The following TAFA5 variants were observed in gnomAD, a reference collection of about 807,000 sequenced individuals.
The protein encoded by TAFA5 is TAFA chemokine like family member 5.
TAFA5 carries 6 observed loss-of-function variants against 15.3 expected under a neutral mutation model. The observed-to-expected ratio is 0.39, with a 90% CI of 0.21 to 0.77. The LOEUF is 0.77. Ranked by LOEUF, TAFA5 falls within the 30% of genes least tolerant of loss-of-function variation. TAFA5 has a pLI of 0.41. For missense variants in TAFA5, 161 were observed against 193.1 expected, an observed-to-expected ratio of 0.83 and a Z score of 0.98; for synonymous variants, 103 against 80.7, an observed-to-expected ratio of 1.28 and a Z score of -1.48.
chr22:48,730,795 G>A (rs993349434), intron 3 of TAFA5, among the ~76,000 whole-genome samples: 1 of 152,092 alleles, frequency 6.6e-6, no homozygotes, highest in Non-Finnish European at 1.5e-5. Context: ...TGACCGGCCA[G>A]TCCCGTCTCT....
intron 3 of TAFA5, among the ~76,000 whole-genome samples, chr22:48,719,064 T>C (rs1212785106): frequency 1.3e-5 from 2 of 152,200 alleles, no homozygotes; most frequent in African/African-American, 4.8e-5. Context: ...GAAACGCAGT[T>C]TTAATCCATT....
intron 2 of TAFA5, among the ~76,000 whole-genome samples, chr22:48,668,677 T>G (rs868734834): frequency 3.2e-5 from 4 of 126,770 alleles, no homozygotes; most frequent in African/African-American, 1.3e-4. Context: ...CACCGGGAGC[T>G]GTAATCCCCC....
chr22:48,501,513 G>C (rs899564526), intron 1 of TAFA5, among the ~76,000 whole-genome samples: 6 of 152,224 alleles, frequency 3.9e-5, no homozygotes, highest in African/African-American at 1.4e-4. Flanking sequence ...TCTCTCCAAG[G>C]GAAGGGGCAG....
chr22:48,622,379 A>C (rs1424354757), intron 1 of TAFA5, among the ~76,000 whole-genome samples: 3 of 152,200 alleles, frequency 2.0e-5, no homozygotes, highest in African/African-American at 7.2e-5. Context: ...CATCTGCCCC[A>C]GACGCTTGTT....
chr22:48,612,490 T>C (rs1925444850), intron 1 of TAFA5, among the ~76,000 whole-genome samples: 1 of 152,166 alleles, frequency 6.6e-6, no homozygotes, highest in South Asian at 2.1e-4. Context: ...GCCCTGTCCC[T>C]GGGCACAGGT....
At chr22:48,532,351 C>G (rs769461630) in intron 1 of TAFA5, among the ~76,000 whole-genome samples, 2 of 152,200 alleles carry the variant, frequency 1.3e-5, no homozygotes, top group African/African-American at 2.4e-5. Context: ...CCTGACAGCT[C>G]GGATCTTTCC....
chr22:48,502,520 ATTTTT>A (rs71677503), intron 1 of TAFA5, among the ~76,000 whole-genome samples: 14,863 of 130,680 alleles, frequency 0.11, 1,027 homozygotes, highest in East Asian at 0.36. Context: ...TCTCTTTGGA[ATTTTT>A]TTTTTTTTTT....
chr22:48,743,022 G>A (rs988052408), intron 3 of TAFA5, among the ~76,000 whole-genome samples: 2 of 152,180 alleles, frequency 1.3e-5, no homozygotes, highest in Non-Finnish European at 2.9e-5. Flanking sequence ...GGACTCACTC[G>A]GGTCAGGCAC....
At chr22:48,548,554 T>G (rs979993509) in intron 1 of TAFA5, among the ~76,000 whole-genome samples, 2 of 152,188 alleles carry the variant, frequency 1.3e-5, no homozygotes, top group Non-Finnish European at 2.9e-5. Flanking sequence ...GACCCCAGGC[T>G]CCAGGCTCTG....
intron 2 of TAFA5, among the ~76,000 whole-genome samples, chr22:48,657,872 G>A (rs922501058): frequency 6.6e-6 from 1 of 151,950 alleles, no homozygotes; most frequent in African/African-American, 2.4e-5. Flanking sequence ...GAAGGATGGG[G>A]GACGCTGCCG....
At chr22:48,571,574 GTTTTTTTT>G (rs57578802) in intron 1 of TAFA5, among the ~76,000 whole-genome samples, 5 of 29,236 alleles carry the variant, frequency 1.7e-4, no homozygotes, top group African/African-American at 2.3e-4. Context: ...TGCCTGGCCT[GTTTTTTTT>G]TTTTTTTTTT....
intron 2 of TAFA5, among the ~76,000 whole-genome samples, chr22:48,702,761 C>T (rs1371178988): frequency 6.6e-6 from 1 of 152,246 alleles, no homozygotes; most frequent in Non-Finnish European, 1.5e-5. Context: ...TCACCCGAGC[C>T]CGGGGAAAGG....
intron 1 of TAFA5, among the ~76,000 whole-genome samples, chr22:48,565,336 A>C (rs1923374200): frequency 1.3e-5 from 2 of 152,184 alleles, no homozygotes; most frequent in Admixed American, 1.3e-4. Flanking sequence ...TGGGAATGTA[A>C]ATGTCCCAGA....
chr22:48,662,106 G>A (rs955999637), intron 2 of TAFA5, among the ~76,000 whole-genome samples: 5 of 152,202 alleles, frequency 3.3e-5, no homozygotes, highest in Admixed American at 2.0e-4. Flanking sequence ...CTCTGGCCTT[G>A]TGAATACCTG....
chr22:48,647,477 G>T (rs895155794), intron 2 of TAFA5, among the ~76,000 whole-genome samples: 8 of 152,114 alleles, frequency 5.3e-5, no homozygotes, highest in African/African-American at 1.9e-4. Flanking sequence ...GAGAGAGTGG[G>T]CTTGACTAAG....
chr22:48,669,540 C>T (rs6010576), intron 2 of TAFA5, among the ~76,000 whole-genome samples: 7 of 152,352 alleles, frequency 4.6e-5, no homozygotes, highest in African/African-American at 1.7e-4. Flanking sequence ...CCCCACATGA[C>T]CAGGGAGCAC....
intron 1 of TAFA5, among the ~76,000 whole-genome samples, chr22:48,629,722 ACT>A (rs1480412227): frequency 2.0e-5 from 3 of 149,868 alleles, no homozygotes; most frequent in African/African-American, 7.6e-5. Flanking sequence ...CAGAGACCCA[ACT>A]CTATGTCCAC....
intron 3 of TAFA5, among the ~76,000 whole-genome samples, chr22:48,732,595 A>G (rs1452591250): frequency 6.6e-6 from 1 of 152,192 alleles, no homozygotes; most frequent in Non-Finnish European, 1.5e-5. Context: ...CCTGGTGAAG[A>G]TGCTGTGAAC....
chr22:48,532,583 G>A (rs1162434639), intron 1 of TAFA5, among the ~76,000 whole-genome samples: 3 of 152,198 alleles, frequency 2.0e-5, no homozygotes, highest in Non-Finnish European at 4.4e-5. Context: ...GAGACCTCAG[G>A]CTGCAGACAC....
Sources: allele counts gnomAD v4.1 joint callset (sites outside exome capture counted in the v4.1 genomes callset), GRCh38; gene constraint gnomAD v4.1.1; transcripts MANE v1.5; gene names NCBI Gene and HGNC (gene_info 2026-07-23, HGNC 2026-07-21).